EPHA3: variants seen among roughly 807,000 people sequenced by gnomAD.
EPHA3 encodes the protein EPH receptor A3, also known as ephrin type-A receptor 3.
EPHA3 carries 42 observed loss-of-function variants against 107.1 expected under a neutral mutation model. The ratio of observed to expected loss-of-function variants is 0.39; its 90% CI spans 0.31 to 0.51. The LOEUF (loss-of-function observed/expected upper bound fraction) is 0.51. Ranked by LOEUF, EPHA3 falls within the 20% of genes least tolerant of loss-of-function variation. The pLI is 0.78. For missense variants in EPHA3, 1,183 were observed against 1,211.2 expected, an observed-to-expected ratio of 0.98 and a Z score of 0.35; for synonymous variants, 461 against 424.8, an observed-to-expected ratio of 1.09 and a Z score of -1.05.
chr3:89,120,843 T>C (rs1172387732), intron 1 of EPHA3, among the ~76,000 whole-genome samples: 1 of 152,102 alleles, frequency 6.6e-6, no homozygotes, highest in Admixed American at 6.6e-5. Flanking sequence ...TGAGAAAGAA[T>C]AAGTTAAGTG....
At chr3:89,259,094 T>C (rs1199140043) in intron 3 of EPHA3, among the ~76,000 whole-genome samples, 6 of 152,218 alleles carry the variant, frequency 3.9e-5, no homozygotes, top group Non-Finnish European at 7.3e-5. Flanking sequence ...TATGTGGGGA[T>C]GCTGTACAGT....
chr3:89,331,150 T>TG (rs1471765146), intron 3 of EPHA3, among the ~76,000 whole-genome samples: 1 of 152,166 alleles, frequency 6.6e-6, no homozygotes, highest in Non-Finnish European at 1.5e-5. Context: ...TGTACATAAC[T>TG]GCACGCACAT....
At chr3:89,168,142 A>G (rs776479264) in intron 2 of EPHA3, among the ~76,000 whole-genome samples, 6 of 152,190 alleles carry the variant, frequency 3.9e-5, no homozygotes, top group Non-Finnish European at 5.9e-5. Flanking sequence ...AGACTGGCCC[A>G]GGCCTTGAGG....
At chr3:89,262,687 T>G (rs1221033904) in intron 3 of EPHA3, among the ~76,000 whole-genome samples, 1 of 152,178 alleles carries the variant, frequency 6.6e-6, no homozygotes. Context: ...CTCTCTCAAC[T>G]CCTAACAGGA....
intron 3 of EPHA3, among the ~76,000 whole-genome samples, chr3:89,271,092 A>T (rs1198908711): frequency 6.6e-6 from 1 of 152,154 alleles, no homozygotes; most frequent in East Asian, 1.9e-4. Flanking sequence ...TATACTCAAC[A>T]TGTTCTTCCT....
At chr3:89,231,594 C>G (rs1268879206) in intron 3 of EPHA3, among the ~76,000 whole-genome samples, 1 of 152,080 alleles carries the variant, frequency 6.6e-6, no homozygotes, top group African/African-American at 2.4e-5. Context: ...GATGGATAAC[C>G]TGGTGATCCC....
chr3:89,424,669 A>T lies in EPHA3; in HGVS notation c.2075-4437A>T, dbSNP rs193160880. On this transcript the variant is annotated intron_variant, in intron 11 of 16. Transcript: ENST00000336596. Reference sequence around the variant, plus strand: ...CCAATTAGGCAAGCAAATAAATAAAAGAAAGCTTGGAAAGGAGAAAAAAAC... The same window carrying T: ...CCAATTAGGCAAGCAAATAAATAAATGAAAGCTTGGAAAGGAGAAAAAAAC... Among the ~76,000 whole-genome samples, 200 of 151,580 alleles carry T rather than the reference A, an allele frequency of 1.3e-3. 5 individuals are homozygous for T. Among genetic ancestry groups the T allele is most frequent in the Admixed American group, 0.013 (199 of 15,152 alleles).
At chr3:89,230,540 TA>T (rs1704603785) in intron 3 of EPHA3, among the ~76,000 whole-genome samples, 1 of 152,082 alleles carries the variant, frequency 6.6e-6, no homozygotes, top group African/African-American at 2.4e-5. Flanking sequence ...AACACTATGG[TA>T]ACATGGTTTT....
In EPHA3 at chr3:89,243,598, G is replaced by T. The variant is rs1704961603; in HGVS notation, c.814+33078G>T. ...ATATCGTTTGCCCACTTTTTGATGG[G>T]GTTGTTGGTTTTTTTCTTGTAAATT... is the stretch of plus-strand genomic sequence containing the variant. On this transcript the variant is annotated intron_variant, in intron 3 of 16. Coordinates refer to ENST00000336596, the MANE Select transcript of EPHA3 (RefSeq NM_005233.6). 2.6e-5 allele frequency among the ~76,000 whole-genome samples: 4 copies of T among 151,996 alleles called. No homozygotes were observed. The South Asian group carries it at 8.3e-4, about 32-fold the overall frequency.
At chr3:89,475,217 T>C (rs1325376827) in intron 16 of EPHA3, among the ~76,000 whole-genome samples, 2 of 152,214 alleles carry the variant, frequency 1.3e-5, no homozygotes, top group Non-Finnish European at 1.5e-5. Context: ...GCATAAATGC[T>C]GTAAAATATT....
At chr3:89,261,089 A>T (rs1705403612) in intron 3 of EPHA3, among the ~76,000 whole-genome samples, 1 of 152,212 alleles carries the variant, frequency 6.6e-6, no homozygotes, top group East Asian at 1.9e-4. Context: ...TTGCTAGCAG[A>T]TGATGAGATG....
chr3:89,286,657 T>C (rs574025750), intron 3 of EPHA3, among the ~76,000 whole-genome samples: 1 of 152,242 alleles, frequency 6.6e-6, no homozygotes, highest in East Asian at 1.9e-4. Flanking sequence ...AATGGAAAAA[T>C]GTCATTTACT....
chr3:89,369,717 G>A (rs1708254653), intron 5 of EPHA3, among the ~76,000 whole-genome samples: 1 of 147,754 alleles, frequency 6.8e-6, no homozygotes, highest in African/African-American at 2.5e-5. Flanking sequence ...GAGTGAACAG[G>A]CAACCTACAA....
chr3:89,134,757 T>C (rs1436423793), intron 2 of EPHA3, among the ~76,000 whole-genome samples: 1 of 152,144 alleles, frequency 6.6e-6, no homozygotes, highest in Non-Finnish European at 1.5e-5. Context: ...CACTGGACCT[T>C]CATTAGCAGT....
At chr3:89,270,976 G>A (rs1220928585) in intron 3 of EPHA3, among the ~76,000 whole-genome samples, 1 of 151,896 alleles carries the variant, frequency 6.6e-6, no homozygotes, top group Non-Finnish European at 1.5e-5. Context: ...AGGAAGGGGA[G>A]GGATTGGTCT....
intron 3 of EPHA3, among the ~76,000 whole-genome samples, chr3:89,245,391 A>G (rs563596612): frequency 1.3e-5 from 2 of 152,330 alleles, no homozygotes; most frequent in South Asian, 4.1e-4. Flanking sequence ...ATAATCTTCA[A>G]AAAGCATTAC....
intron 10 of EPHA3, among the ~76,000 whole-genome samples, chr3:89,415,750 AG>A (rs932679099): frequency 6.6e-6 from 1 of 151,318 alleles, no homozygotes; most frequent in Non-Finnish European, 1.5e-5. Context: ...GTAAATACTT[AG>A]TAAGTCCTTA....
chr3:89,453,221 A>G (rs1299591524), intron 15 of EPHA3, among the ~76,000 whole-genome samples: 2 of 152,224 alleles, frequency 1.3e-5, no homozygotes, highest in Admixed American at 1.3e-4. Flanking sequence ...ACAGAAAAAA[A>G]AAGACTTTAC....
At chr3:89,326,409 G>T (rs561852259) in intron 3 of EPHA3, among the ~76,000 whole-genome samples, 19 of 151,828 alleles carry the variant, frequency 1.3e-4, no homozygotes, top group Non-Finnish European at 2.5e-4. Flanking sequence ...TTTTTTTTGA[G>T]ACAAGATCTT....
Sources: gnomAD v4.1 joint callset for allele counts (sites outside exome capture counted in the v4.1 genomes callset) on GRCh38, gnomAD v4.1.1 for gene constraint, MANE v1.5 for transcripts, NCBI Gene and HGNC (gene_info 2026-07-23, HGNC 2026-07-21) for gene names.